Variants in SMAD2 observed in about 807,000 individuals in gnomAD.
SMAD2 encodes the protein MAD homolog 2.
Under a neutral mutation model 64.4 loss-of-function variants are expected in SMAD2, and 8 were observed. That is an observed-to-expected ratio of 0.12 (90% CI 0.07 to 0.22). The LOEUF (loss-of-function observed/expected upper bound fraction) is 0.22. SMAD2 is among the 10% of genes least tolerant of loss of function. The probability of loss-of-function intolerance (pLI) is 1.00; values close to 1 mark genes in which losing one functional copy is unlikely to be tolerated. For missense variants in SMAD2, 289 were observed against 561.2 expected (o/e 0.51, Z 4.90); for synonymous variants, 203 against 195.8 (o/e 1.04, Z -0.31).
intron 2 of SMAD2, among the ~76,000 whole-genome samples, chr18:47,892,599 T>G (rs1246152299): frequency 6.6e-6 from 1 of 152,238 alleles, no homozygotes; most frequent in Admixed American, 6.5e-5. Flanking sequence ...GGCATAAACT[T>G]TTCTTTCGCT....
At chr18:47,890,637 A>G (rs1206396986) in intron 2 of SMAD2, among the ~76,000 whole-genome samples, 1 of 152,206 alleles carries the variant, frequency 6.6e-6, no homozygotes, top group Non-Finnish European at 1.5e-5. Flanking sequence ...TAAAAAAAGT[A>G]CAGTCATATT....
In SMAD2 at chr18:47,837,354, A is replaced by AGATC. The variant is rs1295013471; in HGVS notation, c.*4469_*4472dup. The AGATC allele has an allele frequency of 5.3e-6, 1 of 190,184 alleles. No individual in the cohort carries two copies. Among genetic ancestry groups the AGATC allele is most frequent in the Non-Finnish European group, 1.1e-5 (1 of 90,840 alleles). 11.8% of individuals were successfully genotyped at this position (190,184 alleles called of 1,614,324 possible). ...GAGGTGGACAGATCACGAGGTCAGG[A>AGATC]GATCGAGACCATCCTGGCCAACACG... On this transcript the variant is annotated 3_prime_UTR_variant, in exon 11 of 11. Transcript: ENST00000262160.
intron 8 of SMAD2, among the ~76,000 whole-genome samples, chr18:47,847,964 T>C (rs1598750609): frequency 6.6e-6 from 1 of 152,258 alleles, no homozygotes; most frequent in African/African-American, 2.4e-5. Flanking sequence ...AGACCACATT[T>C]TGAGATGTCC....
intron 2 of SMAD2, among the ~76,000 whole-genome samples, chr18:47,891,588 G>A (rs1156667920): frequency 2.0e-5 from 3 of 150,980 alleles, no homozygotes; most frequent in Non-Finnish European, 4.4e-5. Flanking sequence ...GTTCACAGAT[G>A]TGATCACTGC....
At position 47,816,122 on chromosome 18, in the gene SMAD2, T is replaced by G. The variant is rs989800791; in HGVS notation, c.*25705A>C. The G allele has an allele frequency of 6.6e-6, 1 of 152,176 alleles. No homozygotes were observed. Among genetic ancestry groups the G allele is most frequent in the Non-Finnish European group, 1.5e-5 (1 of 68,026 alleles). The allele number at this position is 152,176 out of a possible 1,614,324, so 9.4% of individuals were successfully genotyped here. ...TCTAGAGCCCGGAGATAAGATCAGC[T>G]TCCCTTGAAAATGTTAGCTCCCATG... On this transcript the variant is annotated 3_prime_UTR_variant, in exon 11 of 11. Coordinates refer to ENST00000262160, the MANE Select transcript of SMAD2 (RefSeq NM_005901.6).
chr18:47,850,229 ATATTATATAT>A (rs1915009091), intron 7 of SMAD2, among the ~76,000 whole-genome samples: 1 of 49,288 alleles, frequency 2.0e-5, no homozygotes, highest in Non-Finnish European at 3.5e-5. Context: ...TGTATAATAT[ATATTATATAT>A]TATATATTAT....
chr18:47,850,382 T>A (rs867026178), intron 7 of SMAD2, among the ~76,000 whole-genome samples: 390 of 12,348 alleles, frequency 0.032, 1 homozygote, highest in East Asian at 0.056. Flanking sequence ...ATTATATATA[T>A]TATATAATAT....
Position 47,832,746 on chromosome 18 carries a change from GT to G in SMAD2, c.*9080del, listed in dbSNP as rs1913050223. On this transcript the variant is annotated 3_prime_UTR_variant, in exon 11 of 11. Transcript: ENST00000262160. ...TTCAGCAAATTTCAACTTTGAAGAT[GT>G]TTTTGTTTACAGCATAGATCTTATG... 1 of 152,104 alleles carries G rather than the reference GT, an allele frequency of 6.6e-6. No individual in the cohort carries two copies. Among genetic ancestry groups the G allele is most frequent in the African/African-American group, 2.4e-5 (1 of 41,400 alleles). The allele number at this position is 152,104 out of a possible 1,614,324, so 9.4% of individuals were successfully genotyped here.
rs2031788475 is a variant in SMAD2, at chr18:47,869,366, G to A, written c.397C>T (p.Arg133Cys). 6.2e-7 allele frequency: 1 copy of A among 1,613,022 alleles called. No homozygotes were observed. The highest frequency in any genetic ancestry group is 8.5e-7 in the Non-Finnish European group (1 of 1,179,626). ...TGATGACTGTGAAGATCAGGCCAGCGCCATAATCGGCAATATATAACATGT... is the reference window on the plus strand; with the variant it reads ...TGATGACTGTGAAGATCAGGCCAGCACCATAATCGGCAATATATAACATGT... ...LPHVIYCRLW[R>C]WPDLHSHHEL... Residue 133 changes from arginine (R) to cysteine (C), a missense_variant, in exon 4 of 11, where the codon CGC becomes TGC. Coordinates refer to ENST00000262160, the MANE Select transcript of SMAD2 (RefSeq NM_005901.6).
At chr18:47,872,382 A>T (rs879541132) in intron 2 of SMAD2, among the ~76,000 whole-genome samples, 2 of 152,224 alleles carry the variant, frequency 1.3e-5, no homozygotes, top group Non-Finnish European at 2.9e-5. Flanking sequence ...CCGTGGATCA[A>T]AAAGTAGAAA....
rs116291231 is a variant in SMAD2 at position 47,862,020 on chromosome 18, A to G, written c.730+3039T>C. Among the ~76,000 whole-genome samples the G allele has an allele frequency of 7.5e-3, 1,135 of 152,326 alleles. 9 individuals carry two copies. The highest frequency in any genetic ancestry group is 0.026 in the African/African-American group (1,069 of 41,580). ...GTCTAGCTCAGAGTCTCACTATGCT[A>G]TTTTGATTATATGCATTTAGTTAAG... On this transcript the variant is annotated intron_variant, in intron 6 of 10. Transcript: ENST00000262160.
intron 1 of SMAD2, among the ~76,000 whole-genome samples, chr18:47,915,323 GA>G (rs2034290953): frequency 6.6e-6 from 1 of 152,110 alleles, no homozygotes; most frequent in Admixed American, 6.5e-5. Flanking sequence ...AAATTTATAT[GA>G]AAGTGTGATA....
At chr18:47,854,808 T>C (rs1477544664) in intron 6 of SMAD2, among the ~76,000 whole-genome samples, 1 of 152,090 alleles carries the variant, frequency 6.6e-6, no homozygotes, top group Non-Finnish European at 1.5e-5. Flanking sequence ...CCCTATAACA[T>C]CCGCAAACCA....
At position 47,820,281 on chromosome 18, in the gene SMAD2, A is replaced by C. The variant is rs1298089646; in HGVS notation, c.*21546T>G. The C allele has an allele frequency of 6.6e-6, 1 of 152,196 alleles. No homozygotes were observed. Among genetic ancestry groups the C allele is most frequent in the Non-Finnish European group, 1.5e-5 (1 of 68,022 alleles). The allele number at this position is 152,196 out of a possible 1,614,324, so 9.4% of individuals were successfully genotyped here. A position where few individuals can be genotyped will look rare whatever the true frequency, so the allele number is the denominator to read the frequency against. On this transcript the variant is annotated 3_prime_UTR_variant, in exon 11 of 11. Transcript: ENST00000262160. ...TTATAAAATGCTGATATAACACTTC[A>C]AAATTTTGCTTCCTAGGTTTTCACT...
intron 1 of SMAD2, among the ~76,000 whole-genome samples, chr18:47,930,067 C>T (rs1257625901): frequency 6.6e-6 from 1 of 152,220 alleles, no homozygotes; most frequent in Non-Finnish European, 1.5e-5. Flanking sequence ...AGCTCTGGCC[C>T]TTCGGCTTTA....
At position 47,838,377 on chromosome 18, in the gene SMAD2, A is replaced by G. The variant is rs1011013534; in HGVS notation, c.*3450T>C. 1.7e-5 allele frequency: 4 copies of G among 233,174 alleles called. No individual in the cohort carries two copies. The highest frequency in any genetic ancestry group is 8.8e-5 in the African/African-American group (4 of 45,320). 14.4% of individuals were successfully genotyped at this position (233,174 alleles called of 1,614,324 possible). ...CTGCCAAAGTGACAGGTCCTGAGGA[A>G]AAAAAACACAACCTCTACAAGACCA... is the stretch of plus-strand genomic sequence containing the variant. On this transcript the variant is annotated 3_prime_UTR_variant, in exon 11 of 11. Transcript: ENST00000262160.
At chr18:47,866,453 C>T (rs1039499605) in intron 5 of SMAD2, among the ~76,000 whole-genome samples, 2 of 151,706 alleles carry the variant, frequency 1.3e-5, no homozygotes, top group Non-Finnish European at 2.9e-5. Context: ...GTGTCAGTAC[C>T]CCCAAATTTT....
intron 2 of SMAD2, among the ~76,000 whole-genome samples, chr18:47,893,373 G>T (rs1263323345): frequency 6.6e-6 from 1 of 152,186 alleles, no homozygotes; most frequent in Non-Finnish European, 1.5e-5. Flanking sequence ...GTAGAGAGGA[G>T]GAACTGTTCA....
chr18:47,927,660 G>C (rs1231916296), intron 1 of SMAD2, among the ~76,000 whole-genome samples: 1 of 152,228 alleles, frequency 6.6e-6, no homozygotes, highest in Non-Finnish European at 1.5e-5. Flanking sequence ...AGCACTTTGG[G>C]AGGCCGAGGT....
Sources: gnomAD v4.1 joint callset for allele counts (sites outside exome capture counted in the v4.1 genomes callset) on GRCh38, gnomAD v4.1.1 for gene constraint, MANE v1.5 for transcripts, NCBI Gene and HGNC (gene_info 2026-07-23, HGNC 2026-07-21) for gene names.